The following D2HGDH variants were observed in gnomAD, a reference collection of about 807,000 sequenced individuals.
The protein encoded by D2HGDH is D-2-hydroxyglutarate dehydrogenase.
Under a neutral mutation model 46.9 loss-of-function variants are expected in D2HGDH, and 31 were observed. The observed-to-expected ratio is 0.66, with a 90% confidence interval of 0.50 to 0.89. The LOEUF is 0.89. Ranked by LOEUF, D2HGDH falls within the 40% of genes least tolerant of loss-of-function variation. The pLI is 0.00. For synonymous variants in D2HGDH, 364 were observed against 332.6 expected (o/e 1.09, Z -1.03); for missense variants, 698 against 720.8 (o/e 0.97, Z 0.36).
chr2:241,750,090 G>A (rs1696873960), intron 6 of D2HGDH, 61 bp from the exon 7 acceptor site: 2 of 1,612,182 alleles, frequency 1.2e-6, no homozygotes, highest in East Asian at 2.2e-5. Context: ...GCTTTGAAGG[G>A]GGACTTGGGT....
chr2:241,735,012 G>C, intron 1 of D2HGDH, 121 bp from the exon 2 acceptor site: 1 of 564,314 alleles, frequency 1.8e-6, no homozygotes, highest in South Asian at 2.7e-5. Flanking sequence ...CCGGGCAGGG[G>C]GAGGGCCCGG....
At chr2:241,739,182 C>T (rs952305075) in intron 2 of D2HGDH, among the ~76,000 whole-genome samples, 5 of 152,200 alleles carry the variant, frequency 3.3e-5, no homozygotes, top group Non-Finnish European at 7.3e-5. Context: ...TCATCTTTCC[C>T]GTTAGAAGGT....
intron 6 of D2HGDH, chr2:241,749,452 A>C: frequency 8.9e-7 from 1 of 1,119,866 alleles, no homozygotes. Context: ...CCGCCTGCAG[A>C]CATCTCCACT....
At chr2:241,749,493 C>A (rs1311483488) in intron 6 of D2HGDH, 7 of 854,180 alleles carry the variant, frequency 8.2e-6, no homozygotes, top group Middle Eastern at 2.8e-4. Context: ...ACTTGAGGGT[C>A]GGCTTCCCCA....
intron 2 of D2HGDH, among the ~76,000 whole-genome samples, chr2:241,739,217 T>C (rs971492061): frequency 6.6e-6 from 1 of 152,234 alleles, no homozygotes; most frequent in African/African-American, 2.4e-5. Context: ...TGGGAAATTC[T>C]GTGCTCATTC....
chr2:241,762,795 A>T (rs932388649), intron 9 of D2HGDH, among the ~76,000 whole-genome samples: 25 of 152,134 alleles, frequency 1.6e-4, no homozygotes, highest in Non-Finnish European at 5.9e-5. Flanking sequence ...GGATATTTAA[A>T]AATTGCTTGG....
At chr2:241,738,247 C>G (rs998250641) in intron 2 of D2HGDH, among the ~76,000 whole-genome samples, 1 of 152,200 alleles carries the variant, frequency 6.6e-6, no homozygotes, top group African/African-American at 2.4e-5. Context: ...TGTGGGCTCA[C>G]GAATGTTGTC....
At chr2:241,744,930 C>G in intron 6 of D2HGDH, 53 bp downstream of exon 6, 2 of 1,609,608 alleles carry the variant, frequency 1.2e-6, no homozygotes, top group Non-Finnish European at 8.5e-7. Flanking sequence ...CGAGCGTCTG[C>G]TCTGATGGTG....
At chr2:241,755,440 C>A in intron 8 of D2HGDH, 11 of 1,311,370 alleles carry the variant, frequency 8.4e-6, no homozygotes, top group Non-Finnish European at 1.1e-5. Flanking sequence ...TTCCCTGGCC[C>A]TTGCCACTCT....
rs567866545 is a variant in D2HGDH, at chr2:241,736,645, A to G, written c.292+1129A>G. 1.0e-4 allele frequency among the ~76,000 whole-genome samples: 15 copies of G among 150,538 alleles called. No individual in the cohort carries two copies. In the East Asian group the frequency reaches 2.7e-3, roughly 27 times the overall value. On this transcript the variant is annotated intron_variant, in intron 2 of 9. Coordinates refer to ENST00000321264, the MANE Select transcript of D2HGDH (RefSeq NM_152783.5). Reference sequence around the variant, plus strand: ...ATCGTATCTCAGTACTGTCAACTTAATTACATCTGCAAAGACCGTTTATCC... The same window carrying G: ...ATCGTATCTCAGTACTGTCAACTTAGTTACATCTGCAAAGACCGTTTATCC...
intron 8 of D2HGDH, among the ~76,000 whole-genome samples, chr2:241,754,260 C>G (rs113001752): frequency 6.6e-6 from 1 of 152,218 alleles, no homozygotes; most frequent in Non-Finnish European, 1.5e-5. Flanking sequence ...CAGCCGTGCC[C>G]GTGCGGCTGT....
chr2:241,753,501 A>G (rs1697630346), intron 8 of D2HGDH, among the ~76,000 whole-genome samples: 1 of 152,152 alleles, frequency 6.6e-6, no homozygotes, highest in Non-Finnish European at 1.5e-5. Context: ...GTCCTGAGCC[A>G]TTCTGCTTTC....
intron 8 of D2HGDH, among the ~76,000 whole-genome samples, chr2:241,752,994 C>T (rs1178836858): frequency 6.6e-6 from 1 of 152,038 alleles, no homozygotes; most frequent in Non-Finnish European, 1.5e-5. Context: ...TCCCCAGCCC[C>T]TCCACAGCCT....
At chr2:241,750,643 G>C (rs1232416049) in intron 7 of D2HGDH, among the ~76,000 whole-genome samples, 1 of 152,146 alleles carries the variant, frequency 6.6e-6, no homozygotes, top group Non-Finnish European at 1.5e-5. Context: ...CTTTCTGTAA[G>C]CACGTTTTTC....
In D2HGDH at chr2:241,755,883, C is replaced by T. The variant is rs1040152387; in HGVS notation, c.1175C>T (p.Ala392Val). 14 of 1,613,030 alleles carry T rather than the reference C, an allele frequency of 8.7e-6. No individual in the cohort carries two copies. The highest frequency in any genetic ancestry group is 1.6e-4 in the Middle Eastern group (1 of 6,082). The change falls in exon 9 of 10, where the codon GCG becomes GTG. Residue 392 changes from alanine to valine, a missense_variant. Transcript: ENST00000321264. ...GCCCTGAGGGAAAGGATCACAGAGG[C>T]GCTGAGCCGGGATGGCTACGTGTAC... ...LWALRERITE[A>V]LSRDGYVYKY...
At chr2:241,751,101 A>G in intron 7 of D2HGDH, 145 bp from the exon 8 acceptor site, 2 of 1,072,048 alleles carry the variant, frequency 1.9e-6, no homozygotes, top group Non-Finnish European at 2.8e-6. Context: ...TTAACCAGAG[A>G]GCTGTGTGCT....
chr2:241,737,067 C>G (rs1416401774), intron 2 of D2HGDH, among the ~76,000 whole-genome samples: 2 of 151,692 alleles, frequency 1.3e-5, no homozygotes, highest in African/African-American at 2.4e-5. Flanking sequence ...CTCCTGGCTT[C>G]ACGCCATTCT....
chr2:241,763,340 C>CATTA (rs1553613242), intron 9 of D2HGDH, among the ~76,000 whole-genome samples: 3 of 152,186 alleles, frequency 2.0e-5, no homozygotes, highest in Non-Finnish European at 1.5e-5. Context: ...ATGCCGGAAG[C>CATTA]AGTTGTGACA....
intron 3 of D2HGDH, among the ~76,000 whole-genome samples, chr2:241,741,374 G>A (rs1694404202): frequency 6.6e-6 from 1 of 152,196 alleles, no homozygotes. Context: ...CTGGTCTCCG[G>A]GTGTCCATGA....
Sources: gnomAD v4.1 joint callset for allele counts (sites outside exome capture counted in the v4.1 genomes callset) on GRCh38, gnomAD v4.1.1 for gene constraint, MANE v1.5 for transcripts, NCBI Gene and HGNC (gene_info 2026-07-23, HGNC 2026-07-21) for gene names.